SETD5: variants seen among roughly 807,000 people sequenced by gnomAD.
The protein encoded by SETD5 is histone-lysine N-methyltransferase SETD5.
SETD5 carries 44 observed loss-of-function variants against 153.3 expected under a neutral mutation model. The ratio of observed to expected loss-of-function variants is 0.29; its 90% CI spans 0.23 to 0.37. The LOEUF (loss-of-function observed/expected upper bound fraction) is 0.37, where lower values mean the gene tolerates loss of function less well. Ranked by LOEUF, SETD5 falls within the 10% of genes least tolerant of loss-of-function variation. SETD5 has a pLI of 1.00. For missense variants in SETD5, 1,544 were observed against 1,768.0 expected (o/e 0.87, Z 2.27); for synonymous variants, 716 against 645.2 (o/e 1.11, Z -1.66).
chr3:9,423,797 G>C lies in SETD5; in HGVS notation c.-176-670G>C, dbSNP rs539838043. On this transcript the variant is annotated intron_variant, in intron 1 of 22. Coordinates refer to ENST00000402198, the MANE Select transcript of SETD5 (RefSeq NM_001080517.3). ...TAATCTTTAAGGTGTTAATAACTCT[G>C]GCTAGCGTTAAATTTGACTTTTAGG... Among the ~76,000 whole-genome samples the C allele has an allele frequency of 3.5e-4, 54 of 152,198 alleles. 1 individual carries two copies. In the South Asian group the frequency reaches 0.011, roughly 32 times the overall value.
At chr3:9,464,945 T>C (rs933435589) in intron 18 of SETD5, 3 of 480,076 alleles carry the variant, frequency 6.2e-6, no homozygotes, top group Non-Finnish European at 1.1e-5. Flanking sequence ...GTTTAGGTAG[T>C]AAGCATGCTA....
chr3:9,439,074 C>A (rs908155392), intron 7 of SETD5, among the ~76,000 whole-genome samples: 1 of 152,190 alleles, frequency 6.6e-6, no homozygotes, highest in Non-Finnish European at 1.5e-5. Context: ...GTAAGTTTAA[C>A]AATTGCCACT....
At chr3:9,450,537 TTA>T in intron 16 of SETD5, among the ~76,000 whole-genome samples, 1 of 152,342 alleles carries the variant, frequency 6.6e-6, no homozygotes, top group African/African-American at 2.4e-5. Context: ...GAATTTGGCT[TTA>T]TAGCAGTGAA....
intron 2 of SETD5, among the ~76,000 whole-genome samples, chr3:9,427,441 T>A (rs1172613793): frequency 4.6e-5 from 7 of 152,134 alleles, no homozygotes; most frequent in Non-Finnish European, 8.8e-5. Flanking sequence ...TCCTAACTAC[T>A]TGGGAAGCTG....
intron 13 of SETD5, 111 bp from the exon 14 acceptor site, chr3:9,446,939 T>G (rs2042091148): frequency 1.4e-6 from 1 of 696,550 alleles, no homozygotes; most frequent in East Asian, 2.7e-5. Context: ...TGTGTCATCT[T>G]ACTGGTAGTT....
At chr3:9,448,028 T>C in intron 15 of SETD5, 22 bp downstream of exon 15, 1 of 1,600,076 alleles carries the variant, frequency 6.2e-7, no homozygotes, top group South Asian at 1.1e-5. Flanking sequence ...ATGCATCCTT[T>C]ATAAGTCCAG....
chr3:9,453,679 C>A, intron 16 of SETD5, 60 bp from the exon 17 acceptor site: 1 of 1,480,464 alleles, frequency 6.8e-7, no homozygotes, highest in South Asian at 1.4e-5. Context: ...ACATTTAAAA[C>A]AGGTGCACTA....
At chr3:9,428,671 T>C (rs887373535) in intron 2 of SETD5, among the ~76,000 whole-genome samples, 152 bp from the exon 3 acceptor site, 1 of 152,222 alleles carries the variant, frequency 6.6e-6, no homozygotes, top group Non-Finnish European at 1.5e-5. Context: ...ATAGTAAACA[T>C]GGGACACTGT....
chr3:9,461,540 GA>G (rs1402874605), intron 17 of SETD5, among the ~76,000 whole-genome samples: 1 of 152,086 alleles, frequency 6.6e-6, no homozygotes, highest in Non-Finnish European at 1.5e-5. Context: ...AAGATGGATA[GA>G]TTTGACCACA....
chr3:9,445,765 G>A (rs1487735765), intron 13 of SETD5, 25 bp downstream of exon 13: 4 of 1,543,674 alleles, frequency 2.6e-6, no homozygotes, highest in East Asian at 2.3e-5. Context: ...ACATTACTTT[G>A]CTCCTTCTCA....
intron 12 of SETD5, 60 bp downstream of exon 12, chr3:9,445,360 C>A (rs774637030): frequency 3.2e-6 from 5 of 1,554,482 alleles, no homozygotes; most frequent in South Asian, 2.4e-5. Context: ...GAAGAGGAAC[C>A]CGGGTTGCCG....
chr3:9,423,738 C>T (rs2038759329), intron 1 of SETD5, among the ~76,000 whole-genome samples: 1 of 152,106 alleles, frequency 6.6e-6, no homozygotes, highest in South Asian at 2.1e-4. Flanking sequence ...TAACTGGAAT[C>T]CTATGAATAG....
intron 1 of SETD5, among the ~76,000 whole-genome samples, chr3:9,408,865 GTTAT>G (rs1395342903): frequency 6.6e-6 from 1 of 151,912 alleles, no homozygotes; most frequent in African/African-American, 2.4e-5. Context: ...AAAATTTTAA[GTTAT>G]TTATTAATAT....
At position 9,475,954 on chromosome 3, in the gene SETD5, G is replaced by C; in HGVS notation, c.4192G>C (p.Ala1398Pro). ...TISLPSAGQSAVYQASRVSAV... is the reference protein window; with the variant it reads ...TISLPSAGQSPVYQASRVSAV... ...CAGTCTGCCCAGTGCTGGGCAGTCA[G>C]CTGTCTACCAGGCCTCCAGGGTATC... The change falls in exon 23 of 23, where the codon GCT (alanine) becomes CCT (proline). Residue 1398 changes from alanine to proline, a missense_variant. By Grantham distance (27) the Ala-to-Pro change is conservative. Coordinates refer to ENST00000402198, the MANE Select transcript of SETD5 (RefSeq NM_001080517.3). The C allele has an allele frequency of 6.2e-7, 1 of 1,614,026 alleles. No individual in the cohort carries two copies. The highest frequency in any genetic ancestry group is 8.5e-7 in the Non-Finnish European group (1 of 1,179,896).
intron 1 of SETD5, among the ~76,000 whole-genome samples, chr3:9,416,432 G>A (rs1012240006): frequency 6.6e-6 from 1 of 152,176 alleles, no homozygotes; most frequent in Admixed American, 6.5e-5. Flanking sequence ...TGTGGGTCAT[G>A]TATGTACTTG....
In SETD5 at chr3:9,445,803, C is replaced by T. The variant is rs1055535096; in HGVS notation, c.1524+63C>T. On this transcript the variant is annotated intron_variant, in intron 13 of 22. Coordinates refer to ENST00000402198, the MANE Select transcript of SETD5 (RefSeq NM_001080517.3). ...CCTGCTACCTCCATCATGTGAACCT[C>T]TTCTGTTCTCTTGACTTTGTATCAT... 6.8e-6 allele frequency: 8 copies of T among 1,168,722 alleles called. No individual in the cohort carries two copies. In the Admixed American group the frequency reaches 1.6e-4, roughly 24 times the overall value. 72.4% of individuals were successfully genotyped at this position (1,168,722 alleles called of 1,614,324 possible).
Position 9,445,194 on chromosome 3 carries a change from G to A in SETD5, c.1334G>A (p.Arg445Gln), listed in dbSNP as rs760658578. The A allele has an allele frequency of 6.2e-6, 10 of 1,613,840 alleles. No individual in the cohort carries two copies. The East Asian group carries it at 6.7e-5, about 11-fold the overall frequency. ...IGAETRRRKA[R>Q]RKELEMEQQN... ...GCAGAGACTAGACGTAGAAAAGCAC[G>A]ACGGAAAGAGCTAGAGATGGAGCAG... is the stretch of plus-strand genomic sequence containing the variant. Residue 445 changes from arginine to glutamine, a missense_variant, in exon 12 of 23, where the codon CGA becomes CAA. Coordinates refer to ENST00000402198, the MANE Select transcript of SETD5 (RefSeq NM_001080517.3).
intron 1 of SETD5, among the ~76,000 whole-genome samples, chr3:9,411,185 G>A (rs1344837861): frequency 2.6e-5 from 4 of 152,104 alleles, no homozygotes; most frequent in African/African-American, 9.7e-5. Flanking sequence ...GTTTGTCTCT[G>A]GGAATTTCAG....
intron 1 of SETD5, among the ~76,000 whole-genome samples, chr3:9,421,428 G>A (rs1019304845): frequency 7.2e-5 from 11 of 151,886 alleles, no homozygotes; most frequent in Admixed American, 1.3e-4. Context: ...GCAAGCCACC[G>A]CACCTGGCCT....
Sources: allele counts gnomAD v4.1 joint callset (sites outside exome capture counted in the v4.1 genomes callset), GRCh38; gene constraint gnomAD v4.1.1; transcripts MANE v1.5; gene names NCBI Gene and HGNC (gene_info 2026-07-23, HGNC 2026-07-21).